Variants in PDE4D observed in about 807,000 individuals in gnomAD.
PDE4D encodes phosphodiesterase 4D.
In PDE4D, 24 loss-of-function variants were observed where a neutral mutation model predicts 87.4. The observed-to-expected ratio is 0.27, with a 90% CI of 0.20 to 0.39. The LOEUF (loss-of-function observed/expected upper bound fraction) is 0.39. Among genes scored for constraint, PDE4D ranks in the 10% least tolerant of loss-of-function variants. The pLI, the probability that PDE4D is intolerant of heterozygous loss-of-function variation, is 1.00. For synonymous variants in PDE4D, 384 were observed against 383.2 expected (o/e 1.00, Z -0.02); for missense variants, 714 against 1,041.0 (o/e 0.69, Z 4.32).
intron 3 of PDE4D, among the ~76,000 whole-genome samples, chr5:59,966,968 G>A (rs1221323089): frequency 6.6e-6 from 1 of 152,136 alleles, no homozygotes; most frequent in Non-Finnish European, 1.5e-5. Context: ...CAACAAATCA[G>A]AAACCATTTA....
At chr5:60,220,205 T>C (rs780526284) in intron 1 of PDE4D, among the ~76,000 whole-genome samples, 2 of 152,086 alleles carry the variant, frequency 1.3e-5, no homozygotes, top group African/African-American at 2.4e-5. Context: ...TAGTTGTTGG[T>C]TGGGAGTAAT....
At chr5:60,377,127 AGCT>A (rs1761491625) in intron 1 of PDE4D, among the ~76,000 whole-genome samples, 1 of 152,188 alleles carries the variant, frequency 6.6e-6, no homozygotes, top group Non-Finnish European at 1.5e-5. Flanking sequence ...GCCTCCTGTG[AGCT>A]CACTGTGCTT....
chr5:59,614,188 C>G (rs1271472459), intron 1 of PDE4D, among the ~76,000 whole-genome samples: 1 of 152,132 alleles, frequency 6.6e-6, no homozygotes. Context: ...CTGGGGAGCA[C>G]ACATTGAGTT....
chr5:59,202,098 G>T (rs1032770106), intron 2 of PDE4D, among the ~76,000 whole-genome samples: 4 of 138,376 alleles, frequency 2.9e-5, no homozygotes, highest in African/African-American at 1.1e-4. Context: ...GAATGCAGTG[G>T]CTGCAATCTC....
chr5:60,150,366 T>C (rs1471788931), intron 2 of PDE4D, among the ~76,000 whole-genome samples: 1 of 152,134 alleles, frequency 6.6e-6, no homozygotes, highest in East Asian at 1.9e-4. Flanking sequence ...GACCACTTTA[T>C]AGAATTTTGG....
intron 1 of PDE4D, among the ~76,000 whole-genome samples, chr5:60,456,111 G>T (rs1468677395): frequency 6.6e-6 from 1 of 152,146 alleles, no homozygotes; most frequent in Non-Finnish European, 1.5e-5. Flanking sequence ...AACACAAGTG[G>T]TACAGTTCAC....
intron 1 of PDE4D, among the ~76,000 whole-genome samples, chr5:60,424,681 G>T (rs1422931952): frequency 1.3e-5 from 2 of 152,104 alleles, no homozygotes; most frequent in African/African-American, 2.4e-5. Flanking sequence ...AGTTCTGGCT[G>T]GGGCAATCAG....
At chr5:59,214,411 T>G (rs914666129) in intron 2 of PDE4D, among the ~76,000 whole-genome samples, 6 of 152,148 alleles carry the variant, frequency 3.9e-5, no homozygotes, top group African/African-American at 1.4e-4. Flanking sequence ...TTTCCATGCC[T>G]CACATTTAGT....
At position 59,618,035 on chromosome 5, in the gene PDE4D, A is replaced by G. The variant is rs565640907; in HGVS notation, c.455+275133T>C. On this transcript the variant is annotated intron_variant, in intron 1 of 14. Transcript: ENST00000340635. Reference sequence around the variant, plus strand: ...TTTTTTTTTTTACTAACAGTTCTGAATACTCCTCATTTCATTCCTTCAACA... The same window carrying G: ...TTTTTTTTTTTACTAACAGTTCTGAGTACTCCTCATTTCATTCCTTCAACA... Among the ~76,000 whole-genome samples the G allele has an allele frequency of 2.0e-5, 3 of 152,116 alleles. No homozygotes were observed. In the East Asian group the frequency reaches 5.8e-4, roughly 29 times the overall value.
chr5:59,963,631 G>A (rs1024294285), intron 3 of PDE4D, among the ~76,000 whole-genome samples: 4 of 152,056 alleles, frequency 2.6e-5, no homozygotes, highest in Non-Finnish European at 4.4e-5. Context: ...GTGAAAATAC[G>A]TGCCTAAAAT....
chr5:59,518,193 T>TCATG (rs35039897), intron 1 of PDE4D, among the ~76,000 whole-genome samples: 1 of 149,430 alleles, frequency 6.7e-6, no homozygotes, highest in Non-Finnish European at 1.5e-5. Flanking sequence ...ACTTGTGTGT[T>TCATG]TGTGTGTGTG....
intron 1 of PDE4D, among the ~76,000 whole-genome samples, chr5:59,681,728 G>C (rs190262545): frequency 2.6e-5 from 4 of 151,736 alleles, no homozygotes; most frequent in African/African-American, 9.7e-5. Context: ...GTGAAACCCC[G>C]TCTCTACTAA....
chr5:59,783,515 T>C (rs1764828717), intron 1 of PDE4D, among the ~76,000 whole-genome samples: 1 of 152,242 alleles, frequency 6.6e-6, no homozygotes, highest in South Asian at 2.1e-4. Flanking sequence ...TTTCCTTCTC[T>C]GGGCTACATA....
At chr5:60,281,313 G>A (rs1038380850) in intron 1 of PDE4D, among the ~76,000 whole-genome samples, 2 of 152,022 alleles carry the variant, frequency 1.3e-5, no homozygotes, top group African/African-American at 4.8e-5. Flanking sequence ...ACTTCTTGTC[G>A]TTCCTGTGGA....
intron 5 of PDE4D, among the ~76,000 whole-genome samples, chr5:59,137,105 C>T (rs1468715210): frequency 1.3e-5 from 2 of 152,166 alleles, no homozygotes; most frequent in African/African-American, 4.8e-5. Flanking sequence ...TTTCTTTCTG[C>T]CCCCATCCTG....
At chr5:60,072,629 T>C (rs538820937) in intron 2 of PDE4D, among the ~76,000 whole-genome samples, 1 of 152,298 alleles carries the variant, frequency 6.6e-6, no homozygotes, top group Non-Finnish European at 1.5e-5. Context: ...CCAGAGCTTT[T>C]ATAGCTTTGA....
At chr5:59,647,289 CAT>C (rs1013690540) in intron 1 of PDE4D, among the ~76,000 whole-genome samples, 1 of 151,846 alleles carries the variant, frequency 6.6e-6, no homozygotes, top group African/African-American at 2.4e-5. Flanking sequence ...AAAAATGAAA[CAT>C]ATCATCAATG....
At chr5:60,165,773 T>G (rs1782836986) in intron 2 of PDE4D, among the ~76,000 whole-genome samples, 1 of 150,604 alleles carries the variant, frequency 6.6e-6, no homozygotes, top group Non-Finnish European at 1.5e-5. Context: ...ATGTGTGTAC[T>G]TACAGGTGAA....
chr5:60,093,477 T>C (rs1316127986), intron 2 of PDE4D, among the ~76,000 whole-genome samples: 1 of 152,182 alleles, frequency 6.6e-6, no homozygotes. Flanking sequence ...GGCAAAAGGA[T>C]GGAAAAGGCT....
Sources: allele counts gnomAD v4.1 joint callset (sites outside exome capture counted in the v4.1 genomes callset), GRCh38; gene constraint gnomAD v4.1.1; transcripts MANE v1.5; gene names NCBI Gene and HGNC (gene_info 2026-07-23, HGNC 2026-07-21).